The following PTGFRN variants were observed in gnomAD, a reference collection of about 807,000 sequenced individuals.
The protein encoded by PTGFRN is prostaglandin F2 receptor negative regulator.
In PTGFRN, 35 loss-of-function variants were observed where a neutral mutation model predicts 83.2. That is an observed-to-expected ratio of 0.42 (90% CI 0.32 to 0.56). The LOEUF (loss-of-function observed/expected upper bound fraction) is 0.56. Ranked by LOEUF, PTGFRN falls within the 20% of genes least tolerant of loss-of-function variation. The pLI is 0.11. For missense variants in PTGFRN, 1,051 were observed against 1,179.5 expected, an observed-to-expected ratio of 0.89 and a Z score of 1.60; for synonymous variants, 519 against 498.6, an observed-to-expected ratio of 1.04 and a Z score of -0.55.
intron 4 of PTGFRN, among the ~76,000 whole-genome samples, chr1:116,953,480 A>G (rs1013606750): frequency 4.6e-5 from 7 of 151,912 alleles, no homozygotes; most frequent in Non-Finnish European, 7.4e-5. Flanking sequence ...GTCGATGAAC[A>G]TTTCCAAGTA....
rs2101080122 is a variant in PTGFRN at position 116,967,026 on chromosome 1, T to C, written c.1755T>C (p.Val585=). 6.2e-7 allele frequency: 1 copy of C among 1,614,226 alleles called. No homozygotes were observed. Among genetic ancestry groups the C allele is most frequent in the Middle Eastern group, 1.6e-4 (1 of 6,062 alleles). The change falls in exon 6 of 9, where the codon GTT becomes GTC. Residue 585 remains valine (V), a synonymous_variant. Coordinates refer to ENST00000393203, the MANE Select transcript of PTGFRN (RefSeq NM_020440.4). Reference sequence around the variant, plus strand: ...ATATTAAGTCGCCACGCTACTCTGTTCTCATCATGGCTGAGAAGCCTGTCG... The same window carrying C: ...ATATTAAGTCGCCACGCTACTCTGTCCTCATCATGGCTGAGAAGCCTGTCG... ...SKNIKSPRYS[V]LIMAEKPVGD... is the part of the protein sequence containing the mutation.
intron 1 of PTGFRN, among the ~76,000 whole-genome samples, chr1:116,926,259 A>G (rs1451605540): frequency 6.6e-6 from 1 of 152,220 alleles, no homozygotes; most frequent in African/African-American, 2.4e-5. Flanking sequence ...TGAATCTCCC[A>G]TTCTCTTAAA....
Position 116,941,654 on chromosome 1 carries a change from C to T in PTGFRN, c.50-61C>T. 8 of 1,542,816 alleles carry T rather than the reference C, an allele frequency of 5.2e-6. No homozygotes were observed. Among genetic ancestry groups the T allele is most frequent in the Non-Finnish European group, 6.1e-6 (7 of 1,148,546 alleles). On this transcript the variant is annotated intron_variant, in intron 1 of 8. Coordinates refer to ENST00000393203, the MANE Select transcript of PTGFRN (RefSeq NM_020440.4). The surrounding 1 kb of genome is among the most constrained non-coding windows in gnomAD (Gnocchi z 5.0). ...AGCAGGAGCATCCACAGGTTTGCCACATTTGTCCTGGGAAGACTTTCTGTG... is the reference window on the plus strand; with the variant it reads ...AGCAGGAGCATCCACAGGTTTGCCATATTTGTCCTGGGAAGACTTTCTGTG...
At chr1:116,911,195 T>C (rs2101047453) in intron 1 of PTGFRN, among the ~76,000 whole-genome samples, 1 of 152,352 alleles carries the variant, frequency 6.6e-6, no homozygotes, top group African/African-American at 2.4e-5. Flanking sequence ...GTTTTGATAT[T>C]CTTGGATCCT....
rs1651623891 is a variant in PTGFRN, at chr1:116,989,161, A to G, written c.*2194A>G. 1 of 152,236 alleles carries G rather than the reference A, an allele frequency of 6.6e-6. No individual in the cohort carries two copies. Among genetic ancestry groups the G allele is most frequent in the Admixed American group, 6.5e-5 (1 of 15,276 alleles). 9.4% of individuals were successfully genotyped at this position (152,236 alleles called of 1,614,324 possible). On this transcript the variant is annotated 3_prime_UTR_variant, in exon 9 of 9. Coordinates refer to ENST00000393203, the MANE Select transcript of PTGFRN (RefSeq NM_020440.4). ...TGTGTGTAAAACCATGGACTGAGTC[A>G]CAGCAGACACTCGATGGTGGTAAAT...
chr1:116,910,014 G>T lies in PTGFRN; in HGVS notation c.-190G>T. The T allele has an allele frequency of 1.5e-6, 1 of 677,728 alleles. No homozygotes were observed. Among genetic ancestry groups the T allele is most frequent in the East Asian group, 3.2e-5 (1 of 31,554 alleles). The allele number at this position is 677,728 out of a possible 1,614,324, so 42.0% of individuals were successfully genotyped here. ...GGAGGAGGGAGGGAAGGAGGCGGGA[G>T]GGAGCGAGCGGAGCCAGGGGCGCAC... On this transcript the variant is annotated 5_prime_UTR_variant, in exon 1 of 9. It adds an upstream start codon to the 5' untranslated region. Coordinates refer to ENST00000393203, the MANE Select transcript of PTGFRN (RefSeq NM_020440.4).
chr1:116,966,945 G>T lies in PTGFRN; in HGVS notation c.1674G>T (p.Lys558Asn). 6.2e-7 allele frequency: 1 copy of T among 1,609,746 alleles called. No homozygotes were observed. The highest frequency in any genetic ancestry group is 8.5e-7 in the Non-Finnish European group (1 of 1,176,508). The part of the protein sequence containing the change: ...SVLVVKARQP[K>N]PFFAAGNTFE... ...TTGTGGTGAAGGCGAGGCAGCCAAA[G>T]CCTTTCTTTGCTGCCGGAAATACAT... is the stretch of plus-strand genomic sequence containing the variant. The change falls in exon 6 of 9, where the codon AAG becomes AAT. Residue 558 changes from lysine to asparagine, a missense_variant. Around this residue, in one of 3 missense-constraint regions of PTGFRN, gnomAD observed 719 missense variants for 836.6 expected, o/e 0.86. Transcript: ENST00000393203.
intron 7 of PTGFRN, among the ~76,000 whole-genome samples, chr1:116,978,817 C>T (rs1326409887): frequency 2.0e-5 from 3 of 152,120 alleles, no homozygotes; most frequent in Non-Finnish European, 4.4e-5. Context: ...TGGCACAAGA[C>T]AGGGATACCC....
At position 116,989,442 on chromosome 1, in the gene PTGFRN, A is replaced by C. The variant is rs962816816; in HGVS notation, c.*2475A>C. The C allele has an allele frequency of 1.0e-4, 16 of 152,560 alleles. No individual in the cohort carries two copies. Among genetic ancestry groups the C allele is most frequent in the African/African-American group, 3.9e-4 (16 of 41,422 alleles). 9.5% of individuals were successfully genotyped at this position (152,560 alleles called of 1,614,324 possible). On this transcript the variant is annotated 3_prime_UTR_variant, in exon 9 of 9. Transcript: ENST00000393203. ...TGAGATGCACTCTTTTGTTGTACCA[A>C]ATAGGGCTCCCCACCCCACCCCTGC...
chr1:116,951,593 G>A (rs942200864), intron 4 of PTGFRN, among the ~76,000 whole-genome samples: 5 of 152,326 alleles, frequency 3.3e-5, no homozygotes, highest in African/African-American at 9.6e-5. Flanking sequence ...CAACTCCTAG[G>A]ATATTCAGAG....
Position 116,945,072 on chromosome 1 carries a change from C to T in PTGFRN, c.812C>T (p.Thr271Ile), listed in dbSNP as rs1384406629. The T allele has an allele frequency of 6.2e-7, 1 of 1,612,814 alleles. No individual in the cohort carries two copies. Among genetic ancestry groups the T allele is most frequent in the Admixed American group, 1.7e-5 (1 of 59,978 alleles). The part of the protein sequence containing the change: ...EIQEKAVEVA[T>I]VVIQPSVLRA... ...CAAGAAAAGGCCGTGGAAGTTGCCA[C>T]CGTGGTGATCCAGCCATCAGGTGAG... The change falls in exon 3 of 9, where the codon ACC becomes ATC. Residue 271 changes from threonine (T) to isoleucine (I), a missense_variant. By Grantham distance (89) the Thr-to-Ile change is moderately conservative. Around this residue, in one of 3 missense-constraint regions of PTGFRN, gnomAD observed 719 missense variants for 836.6 expected, o/e 0.86. Coordinates refer to ENST00000393203, the MANE Select transcript of PTGFRN (RefSeq NM_020440.4).
chr1:116,926,438 A>C (rs950748499), intron 1 of PTGFRN, among the ~76,000 whole-genome samples: 3 of 152,216 alleles, frequency 2.0e-5, no homozygotes, highest in African/African-American at 7.2e-5. Flanking sequence ...AACCTTGTGG[A>C]TAGATCTTGC....
At chr1:116,962,962 A>G (rs185354623) in intron 5 of PTGFRN, among the ~76,000 whole-genome samples, 1 of 152,258 alleles carries the variant, frequency 6.6e-6, no homozygotes, top group African/African-American at 2.4e-5. Flanking sequence ...GGTAGGGGTA[A>G]GTTATGTGGT....
Position 116,910,062 on chromosome 1 carries a change from A to G in PTGFRN, c.-142A>G. 1 of 920,266 alleles carries G rather than the reference A, an allele frequency of 1.1e-6. No homozygotes were observed. Among genetic ancestry groups the G allele is most frequent in the Non-Finnish European group, 1.7e-6 (1 of 596,912 alleles). 57.0% of individuals were successfully genotyped at this position (920,266 alleles called of 1,614,324 possible). ...CACGTACGCCCCAGCGCTGGGATTT[A>G]TCGGCTCGCGAGGAGAGCGGAGCAG... On this transcript the variant is annotated 5_prime_UTR_variant, in exon 1 of 9. Transcript: ENST00000393203.
chr1:116,955,985 A>G (rs1650476011), intron 4 of PTGFRN, among the ~76,000 whole-genome samples: 2 of 152,248 alleles, frequency 1.3e-5, no homozygotes. Flanking sequence ...GAGGATACAC[A>G]GAAGAGGTAT....
In PTGFRN at chr1:116,961,808, C is replaced by A; in HGVS notation, c.1639+140C>A. ...CCTGGACATTGATCGCCATGCGACC[C>A]GTTGCACATGCTCTTTGGACTCACT... On this transcript the variant is annotated intron_variant, in intron 5 of 8. Coordinates refer to ENST00000393203, the MANE Select transcript of PTGFRN (RefSeq NM_020440.4). The surrounding 1 kb of genome is among the most constrained non-coding windows in gnomAD (Gnocchi z 5.4). 1.2e-6 allele frequency: 1 copy of A among 843,484 alleles called. No individual in the cohort carries two copies. Among genetic ancestry groups the A allele is most frequent in the Non-Finnish European group, 1.8e-6 (1 of 556,504 alleles). 52.2% of individuals were successfully genotyped at this position (843,484 alleles called of 1,614,324 possible).
At position 116,917,891 on chromosome 1, in the gene PTGFRN, G is replaced by A. The variant is rs148018928; in HGVS notation, c.49+7639G>A. 2.1e-3 allele frequency among the ~76,000 whole-genome samples: 323 copies of A among 152,226 alleles called. 1 individual carries two copies. The highest frequency in any genetic ancestry group is 3.5e-3 in the Non-Finnish European group (235 of 68,012). On this transcript the variant is annotated intron_variant, in intron 1 of 8. Transcript: ENST00000393203. Reference sequence around the variant, plus strand: ...TCCTGCCTCAGCCTCCCAAAATATCGTTAGCCACTGCGCCCGGCCTGTATG... The same window carrying A: ...TCCTGCCTCAGCCTCCCAAAATATCATTAGCCACTGCGCCCGGCCTGTATG...
chr1:116,914,579 C>T (rs1040458535), intron 1 of PTGFRN, among the ~76,000 whole-genome samples: 8 of 152,166 alleles, frequency 5.3e-5, no homozygotes, highest in African/African-American at 1.7e-4. Flanking sequence ...AGTGAGACCC[C>T]CATCTCTACT....
intron 1 of PTGFRN, among the ~76,000 whole-genome samples, chr1:116,938,275 A>G (rs1570653820): frequency 6.6e-6 from 1 of 152,184 alleles, no homozygotes; most frequent in African/African-American, 2.4e-5. Context: ...CTGAGAGGCC[A>G]AGGAATATTA....
Sources: allele counts gnomAD v4.1 joint callset (sites outside exome capture counted in the v4.1 genomes callset), GRCh38; gene constraint gnomAD v4.1.1; regional missense constraint gnomAD v4.1.1; non-coding constraint Gnocchi (gnomAD v3.1); transcripts MANE v1.5; gene names NCBI Gene and HGNC (gene_info 2026-07-23, HGNC 2026-07-21).